NMNAT1: variants seen among roughly 807,000 people sequenced by gnomAD.
NMNAT1 encodes nicotinamide/nicotinic acid mononucleotide adenylyltransferase 1.
NMNAT1 carries 11 observed loss-of-function variants against 16.7 expected under a neutral mutation model. The observed-to-expected ratio is 0.66, with a 90% CI of 0.41 to 1.09. The LOEUF is 1.09. Ranked by LOEUF, NMNAT1 falls within the 50% of genes least tolerant of loss-of-function variation. NMNAT1 has a pLI of 0.00. For synonymous variants in NMNAT1, 110 were observed against 119.8 expected (o/e 0.92, Z 0.53); for missense variants, 280 against 332.3 (o/e 0.84, Z 1.22).
chr1:9,991,888 AAATAAGACGAAAAAAAAAAGC>A, the NMNAT1 span, among the ~76,000 whole-genome samples: 1 of 151,848 alleles, frequency 6.6e-6, no homozygotes, highest in Non-Finnish European at 1.5e-5. Flanking sequence ...ACCAACTGAA[AAATAAGACGAAAAAAAAAAGC>A]AACAAAAGGG....
chr1:9,954,599 C>A (rs987829955), intron 1 of NMNAT1, among the ~76,000 whole-genome samples: 5 of 152,024 alleles, frequency 3.3e-5, no homozygotes, highest in African/African-American at 9.7e-5. Context: ...GAATGAAAAA[C>A]CCGATACTTT....
intron 1 of NMNAT1, among the ~76,000 whole-genome samples, chr1:9,962,677 G>GAT (rs1553125886): frequency 1.3e-5 from 1 of 74,218 alleles, no homozygotes; most frequent in Non-Finnish European, 2.2e-5. Context: ...CCAAATAAGG[G>GAT]TTTTTTTTTT....
intron 1 of NMNAT1, among the ~76,000 whole-genome samples, chr1:9,964,262 G>A (rs1641492086): frequency 6.6e-6 from 1 of 151,356 alleles, no homozygotes; most frequent in African/African-American, 2.4e-5. Flanking sequence ...AGTGTAGGTG[G>A]GAGGATCACT....
chr1:9,973,751 G>C (rs1047270275), intron 2 of NMNAT1, among the ~76,000 whole-genome samples: 8 of 150,344 alleles, frequency 5.3e-5, no homozygotes, highest in Non-Finnish European at 1.0e-4. Context: ...TAGGCTGGGC[G>C]TGGTGGCACA....
intron 3 of NMNAT1, among the ~76,000 whole-genome samples, chr1:9,976,343 A>G (rs1641813880): frequency 6.6e-6 from 1 of 151,682 alleles, no homozygotes; most frequent in Non-Finnish European, 1.5e-5. Context: ...TACCACTGTT[A>G]GAAAATAGAG....
chr1:9,990,622 G>A, the NMNAT1 span, among the ~76,000 whole-genome samples: 5 of 152,192 alleles, frequency 3.3e-5, no homozygotes, highest in Admixed American at 1.3e-4. Context: ...CTTGCAGTAG[G>A]GAGGGGAGGT....
chr1:9,975,459 C>A, intron 2 of NMNAT1, 133 bp from the exon 3 acceptor site: 1 of 670,492 alleles, frequency 1.5e-6, no homozygotes, highest in Non-Finnish European at 2.4e-6. Flanking sequence ...CGAGATCACT[C>A]CAGTGCGGCC....
At chr1:9,953,681 T>C (rs1311281970) in intron 1 of NMNAT1, among the ~76,000 whole-genome samples, 2 of 151,916 alleles carry the variant, frequency 1.3e-5, no homozygotes, top group East Asian at 1.9e-4. Context: ...CCTCAGGTGA[T>C]CCATCTGTCT....
At chr1:9,943,061 A>C (rs2101622172), upstream of NMNAT1, 1 of 277,580 alleles carries the variant, frequency 3.6e-6, no homozygotes, top group Non-Finnish European at 7.4e-6. Flanking sequence ...CTTGAAAGTG[A>C]GGAGGGTTTG....
chr1:9,981,014 G>T lies in NMNAT1; in HGVS notation c.300-17G>T. ...ATGTGAGAAAGAGAAATATTCTATT[G>T]TTTTGTTGTTTTATAGACACCATCA... On this transcript the variant is annotated splice_polypyrimidine_tract_variant and intron_variant, in intron 3 of 4. Coordinates refer to ENST00000377205, the MANE Select transcript of NMNAT1 (RefSeq NM_022787.4). The T allele has an allele frequency of 6.3e-7, 1 of 1,591,592 alleles. No homozygotes were observed.
chr1:9,948,948 G>A (rs993171497), intron 1 of NMNAT1, among the ~76,000 whole-genome samples: 3 of 150,758 alleles, frequency 2.0e-5, no homozygotes, highest in Admixed American at 1.3e-4. Context: ...TGTCTGGCCC[G>A]GAATTGTTAA....
chr1:9,959,373 GAAAAAAAAAAAAAA>G (rs70998331), intron 1 of NMNAT1, among the ~76,000 whole-genome samples: 8 of 117,614 alleles, frequency 6.8e-5, no homozygotes, highest in Non-Finnish European at 1.2e-4. Context: ...CTCCATCTTG[GAAAAAAAAAAAAAA>G]AAAAAAAAAA....
intron 3 of NMNAT1, among the ~76,000 whole-genome samples, chr1:9,978,376 A>G (rs1029604848): frequency 6.6e-6 from 1 of 152,168 alleles, no homozygotes; most frequent in African/African-American, 2.4e-5. Flanking sequence ...ATTACTTGTC[A>G]GGCTCCACAG....
intron 1 of NMNAT1, among the ~76,000 whole-genome samples, chr1:9,968,793 G>C (rs1232805593): frequency 8.1e-6 from 1 of 124,194 alleles, no homozygotes; most frequent in Non-Finnish European, 1.7e-5. Context: ...AAAAAAATTA[G>C]CCAGGTGTGG....
chr1:9,958,181 G>A (rs1012527281), intron 1 of NMNAT1, among the ~76,000 whole-genome samples: 6 of 152,206 alleles, frequency 3.9e-5, no homozygotes, highest in East Asian at 3.9e-4. Context: ...TACATTACTC[G>A]TTTAGTGATG....
the NMNAT1 span, among the ~76,000 whole-genome samples, chr1:9,996,677 A>T: frequency 2.6e-5 from 4 of 151,980 alleles, no homozygotes; most frequent in Non-Finnish European, 4.4e-5. Context: ...CCTCTTCCCT[A>T]CCTTGAATGT....
chr1:9,968,719 C>T (rs1234379757), intron 1 of NMNAT1, among the ~76,000 whole-genome samples: 3 of 142,992 alleles, frequency 2.1e-5, no homozygotes, highest in South Asian at 2.3e-4. Context: ...TGCAGTGAGT[C>T]GAGATCATGC....
At chr1:9,982,159 G>T in intron 4 of NMNAT1, 142 bp from the exon 5 acceptor site, 1 of 1,119,042 alleles carries the variant, frequency 8.9e-7, no homozygotes, top group Non-Finnish European at 1.3e-6. Flanking sequence ...CACCGCACTC[G>T]GCCTAAGCCC....
At chr1:9,966,535 C>T (rs928638711) in intron 1 of NMNAT1, among the ~76,000 whole-genome samples, 4 of 152,030 alleles carry the variant, frequency 2.6e-5, no homozygotes, top group Admixed American at 2.6e-4. Context: ...ATCGCTTGAA[C>T]CCAGGAGATG....
Sources: allele counts gnomAD v4.1 joint callset (sites outside exome capture counted in the v4.1 genomes callset), GRCh38; gene constraint gnomAD v4.1.1; transcripts MANE v1.5; gene names NCBI Gene and HGNC (gene_info 2026-07-23, HGNC 2026-07-21).